Variants in TPM3 observed in about 807,000 individuals in gnomAD.
TPM3 encodes the protein tropomyosin alpha-3 chain.
Under a neutral mutation model 43.1 loss-of-function variants are expected in TPM3, and 16 were observed. That is an observed-to-expected ratio of 0.37 (90% CI 0.25 to 0.56). The LOEUF is 0.56. Among genes scored for constraint, TPM3 ranks in the 20% least tolerant of loss-of-function variants. The pLI is 0.77. For missense variants in TPM3, 176 were observed against 337.2 expected (o/e 0.52, Z 3.74); for synonymous variants, 101 against 116.9 (o/e 0.86, Z 0.88).
chr1:154,172,622 T>C, intron 5 of TPM3: 1 of 474,968 alleles, frequency 2.1e-6, no homozygotes, highest in Admixed American at 3.2e-5. Context: ...AAGGACCCAG[T>C]AGGATCTTCC....
rs1479584215 is a variant in TPM3 at position 154,191,926 on chromosome 1, C to T, written c.93G>A (p.Lys31=). ...CCTGTTTACTTCTTTCTTCTGCCTGCTTCTGCTCAGCTTCAGCTTGCTCTG... is the reference window on the plus strand; with the variant it reads ...CCTGTTTACTTCTTTCTTCTGCCTGTTTCTGCTCAGCTTCAGCTTGCTCTG... ...DRAEQAEAEQ[K]QAEERSKQLE... The change falls in exon 1 of 10, where the codon AAG becomes AAA. Residue 31 remains lysine (K), a synonymous_variant. Coordinates refer to ENST00000651641, the MANE Select transcript of TPM3 (RefSeq NM_152263.4). 1.2e-6 allele frequency: 2 copies of T among 1,613,870 alleles called. No homozygotes were observed. The highest frequency in any genetic ancestry group is 4.5e-5 in the East Asian group (2 of 44,888).
At chr1:154,173,048 G>C (rs771613842) in intron 4 of TPM3, 36 bp downstream of exon 4, 22 of 1,613,742 alleles carry the variant, frequency 1.4e-5, no homozygotes, top group Non-Finnish European at 8.5e-7. Context: ...CTTTGTAAAA[G>C]GCCGATACGA....
chr1:154,174,395 T>TAC (rs1662022545), intron 3 of TPM3, among the ~76,000 whole-genome samples: 1 of 111,630 alleles, frequency 9.0e-6, no homozygotes, highest in African/African-American at 3.7e-5. Context: ...TATATATATA[T>TAC]ATATATATAT....
intron 2 of TPM3, among the ~76,000 whole-genome samples, chr1:154,178,955 A>C (rs776673128): frequency 6.6e-6 from 1 of 152,186 alleles, no homozygotes; most frequent in Non-Finnish European, 1.5e-5. Context: ...TCCACTCCAA[A>C]GAGATTTCCC....
At chr1:154,157,779 CG>C (rs752265836), downstream of TPM3, 2 of 779,766 alleles carry the variant, frequency 2.6e-6, no homozygotes, top group Non-Finnish European at 4.8e-6. Flanking sequence ...AAGGTCTACC[CG>C]CTCTTTGAGA....
downstream of TPM3, chr1:154,158,702 G>C (rs2148187098): frequency 2.1e-6 from 1 of 473,886 alleles, no homozygotes; most frequent in African/African-American, 1.9e-5. Context: ...AATAAGGGTG[G>C]AAAACAAAAT....
intron 2 of TPM3, among the ~76,000 whole-genome samples, chr1:154,178,551 AG>A (rs1165652280): frequency 2.6e-5 from 4 of 152,338 alleles, no homozygotes; most frequent in African/African-American, 9.6e-5. Context: ...CTTTGTTTAA[AG>A]GAACAAGGAA....
chr1:154,181,698 T>C (rs1160298282), intron 2 of TPM3, among the ~76,000 whole-genome samples: 1 of 152,160 alleles, frequency 6.6e-6, no homozygotes, highest in Non-Finnish European at 1.5e-5. Flanking sequence ...GGTGGGTGGA[T>C]CACCTGAGGT....
chr1:154,172,893 G>T lies in TPM3; in HGVS notation c.566+15C>A. 2 of 1,614,104 alleles carry T rather than the reference G, an allele frequency of 1.2e-6. No homozygotes were observed. Among genetic ancestry groups the T allele is most frequent in the East Asian group, 2.2e-5 (1 of 44,884 alleles). On this transcript the variant is annotated intron_variant, in intron 5 of 9. Transcript: ENST00000651641. The stretch of plus-strand genomic sequence containing the variant: ...TAAATTGGTAATGACAAGATTTGGG[G>T]AGCTAGATACTCACGACTCTGCCAG...
At chr1:154,156,428 C>T (rs1011683540), downstream of TPM3, 46 of 189,476 alleles carry the variant, frequency 2.4e-4, no homozygotes, top group Non-Finnish European at 4.4e-4. Flanking sequence ...AACAGTTGCA[C>T]TATTGATTTC....
Position 154,167,542 on chromosome 1 carries a change from C to T in TPM3, c.*395G>A. 1.8e-6 allele frequency: 2 copies of T among 1,114,978 alleles called. No individual in the cohort carries two copies. The highest frequency in any genetic ancestry group is 2.2e-6 in the Non-Finnish European group (2 of 908,420). 69.1% of individuals were successfully genotyped at this position (1,114,978 alleles called of 1,614,324 possible). ...TAACTAAAATTACTATCCTGAGTAA[C>T]CTGTACTAAATCCATCACTCTGGTA... is the stretch of plus-strand genomic sequence containing the variant. On this transcript the variant is annotated 3_prime_UTR_variant, in exon 10 of 10. Coordinates refer to ENST00000651641, the MANE Select transcript of TPM3 (RefSeq NM_152263.4).
In TPM3 at chr1:154,167,476, C is replaced by T; in HGVS notation, c.*461G>A. On this transcript the variant is annotated 3_prime_UTR_variant, in exon 10 of 10. Transcript: ENST00000651641. ...CACTGCAGGCAGGATGATTTAAGAA[C>T]CTGGAAATAAGGAATTTAATCTTGT... The T allele has an allele frequency of 9.3e-7, 1 of 1,076,746 alleles. No individual in the cohort carries two copies. The highest frequency in any genetic ancestry group is 1.1e-6 in the Non-Finnish European group (1 of 885,290). 66.7% of individuals were successfully genotyped at this position (1,076,746 alleles called of 1,614,324 possible).
At chr1:154,191,050 G>T in intron 2 of TPM3, 136 bp downstream of exon 2, 1 of 1,367,896 alleles carries the variant, frequency 7.3e-7, no homozygotes. Context: ...CCAGCATGTG[G>T]TTATATGCAA....
downstream of TPM3, chr1:154,159,133 G>C: frequency 1.3e-6 from 1 of 745,150 alleles, no homozygotes; most frequent in Admixed American, 1.8e-5. Context: ...AGTTAGTAGA[G>C]TACCAGAAGT....
At chr1:154,180,791 G>A (rs991168803) in intron 2 of TPM3, among the ~76,000 whole-genome samples, 1 of 152,018 alleles carries the variant, frequency 6.6e-6, no homozygotes, top group African/African-American at 2.4e-5. Context: ...CGAGTGTGGT[G>A]GTGGATGCCT....
chr1:154,169,231 C>T, intron 9 of TPM3, 74 bp downstream of exon 9: 2 of 1,402,508 alleles, frequency 1.4e-6, no homozygotes, highest in Non-Finnish European at 2.0e-6. Flanking sequence ...CCAAAGCACA[C>T]CACTATGCAT....
In TPM3 at chr1:154,167,755, A is replaced by G; in HGVS notation, c.*182T>C. On this transcript the variant is annotated 3_prime_UTR_variant, in exon 10 of 10. Coordinates refer to ENST00000651641, the MANE Select transcript of TPM3 (RefSeq NM_152263.4). ...TGCAGGGTGGCATGAGGTTTCCAGC[A>G]GCTTAACATTTTAATTTGGGGTGGG... The G allele has an allele frequency of 6.7e-7, 1 of 1,486,460 alleles. No individual in the cohort carries two copies. The highest frequency in any genetic ancestry group is 9.0e-7 in the Non-Finnish European group (1 of 1,115,454). 92.1% of individuals were successfully genotyped at this position (1,486,460 alleles called of 1,614,324 possible).
At position 154,167,261 on chromosome 1, in the gene TPM3, T is replaced by C; in HGVS notation, c.*676A>G. 2.1e-6 allele frequency: 2 copies of C among 964,998 alleles called. No individual in the cohort carries two copies. The highest frequency in any genetic ancestry group is 2.5e-6 in the Non-Finnish European group (2 of 811,342). 59.8% of individuals were successfully genotyped at this position (964,998 alleles called of 1,614,324 possible). A position where few individuals can be genotyped will look rare whatever the true frequency, so the allele number is the denominator to read the frequency against. On this transcript the variant is annotated 3_prime_UTR_variant, in exon 10 of 10. Transcript: ENST00000651641. ...AAACCGTCCAGAATTCTATCCATTG[T>C]GTATTTTTCTGTGACTGGAGTTGAC...
chr1:154,169,739 A>G, intron 8 of TPM3: 2 of 382,742 alleles, frequency 5.2e-6, no homozygotes, highest in Non-Finnish European at 9.9e-6. Context: ...AAAGGGAGAG[A>G]GTATATATCC....
Sources: gnomAD v4.1 joint callset for allele counts (sites outside exome capture counted in the v4.1 genomes callset) on GRCh38, gnomAD v4.1.1 for gene constraint, MANE v1.5 for transcripts, NCBI Gene and HGNC (gene_info 2026-07-23, HGNC 2026-07-21) for gene names.